CERS6: variants seen among roughly 807,000 people sequenced by gnomAD.
CERS6 encodes LAG1 homolog, ceramide synthase 6.
In CERS6, 26 loss-of-function variants were observed where a neutral mutation model predicts 56.8. The ratio of observed to expected loss-of-function variants is 0.46; its 90% CI spans 0.34 to 0.63. CERS6 has a LOEUF of 0.63. Ranked by LOEUF, CERS6 falls within the 30% of genes least tolerant of loss-of-function variation. The probability of loss-of-function intolerance (pLI) is 0.01; values close to 1 mark genes in which losing one functional copy is unlikely to be tolerated. For missense variants in CERS6, 415 were observed against 467.5 expected (o/e 0.89, Z 1.04); for synonymous variants, 164 against 173.3 (o/e 0.95, Z 0.42).
intron 1 of CERS6, among the ~76,000 whole-genome samples, chr2:168,473,865 A>G (rs937399557): frequency 6.6e-6 from 1 of 152,140 alleles, no homozygotes; most frequent in Non-Finnish European, 1.5e-5. Flanking sequence ...ATTTGTCTAC[A>G]TATGTATGTA....
intron 1 of CERS6, among the ~76,000 whole-genome samples, chr2:168,466,070 A>G (rs1296946105): frequency 6.6e-6 from 1 of 150,522 alleles, no homozygotes; most frequent in Non-Finnish European, 1.5e-5. Context: ...TCTTCTTTCC[A>G]GAATCGTCTG....
At chr2:168,623,029 C>G (rs1041789439) in intron 3 of CERS6, among the ~76,000 whole-genome samples, 5 of 152,088 alleles carry the variant, frequency 3.3e-5, no homozygotes, top group Admixed American at 3.3e-4. Flanking sequence ...AATTTGCTTC[C>G]TCCCCAGTTG....
At position 168,774,368 on chromosome 2, in the gene CERS6, T is replaced by C. The variant is rs1357019530; in HGVS notation, c.*4706T>C. On this transcript the variant is annotated 3_prime_UTR_variant, in exon 10 of 10. Transcript: ENST00000305747. Reference sequence around the variant, plus strand: ...GATTTCCCAATAGCTTGTGGATCAGTTGTACACCCACACTTCCTTCTCTGC... The same window carrying C: ...GATTTCCCAATAGCTTGTGGATCAGCTGTACACCCACACTTCCTTCTCTGC... 6.6e-6 allele frequency: 1 copy of C among 152,202 alleles called. No homozygotes were observed. The highest frequency in any genetic ancestry group is 1.5e-5 in the Non-Finnish European group (1 of 68,046). The allele number at this position is 152,202 out of a possible 1,614,324, so 9.4% of individuals were successfully genotyped here. A position where few individuals can be genotyped will look rare whatever the true frequency, so the allele number is the denominator to read the frequency against.
chr2:168,635,950 T>G (rs1369651105), intron 4 of CERS6, among the ~76,000 whole-genome samples: 1 of 152,202 alleles, frequency 6.6e-6, no homozygotes, highest in Non-Finnish European at 1.5e-5. Flanking sequence ...ATTGTAATTT[T>G]TTTTGCCTAT....
intron 3 of CERS6, among the ~76,000 whole-genome samples, chr2:168,623,923 T>A (rs1684531575): frequency 6.6e-6 from 1 of 152,160 alleles, no homozygotes; most frequent in African/African-American, 2.4e-5. Context: ...TAGAAAAGTT[T>A]ACAATTCCAT....
At chr2:168,612,285 A>G (rs1039067071) in intron 3 of CERS6, among the ~76,000 whole-genome samples, 2 of 152,216 alleles carry the variant, frequency 1.3e-5, no homozygotes, top group African/African-American at 4.8e-5. Flanking sequence ...TAGAAGATTT[A>G]AGACACAGAT....
At chr2:168,615,347 A>G (rs558261346) in intron 3 of CERS6, among the ~76,000 whole-genome samples, 7 of 152,274 alleles carry the variant, frequency 4.6e-5, no homozygotes, top group African/African-American at 1.7e-4. Flanking sequence ...CTCACCAGCA[A>G]TGGATCCAAA....
At chr2:168,541,010 A>T (rs111452647) in intron 1 of CERS6, among the ~76,000 whole-genome samples, 7 of 152,352 alleles carry the variant, frequency 4.6e-5, no homozygotes, top group African/African-American at 1.7e-4. Context: ...AAGATTAGGC[A>T]TCTGTATCTG....
At position 168,558,424 on chromosome 2, in the gene CERS6, A is replaced by T. The variant is rs562602416; in HGVS notation, c.277-2768A>T. Among the ~76,000 whole-genome samples, 443 of 152,352 alleles carry T rather than the reference A, an allele frequency of 2.9e-3. 7 individuals carry two copies. Among genetic ancestry groups the T allele is most frequent in the African/African-American group, 0.01 (421 of 41,576 alleles). Reference sequence around the variant, plus strand: ...CTCTACAAAAGAATAAGGGTGTTCTATATATAGTGAAAAGGAAATATTGCA... The same window carrying T: ...CTCTACAAAAGAATAAGGGTGTTCTTTATATAGTGAAAAGGAAATATTGCA... On this transcript the variant is annotated intron_variant, in intron 2 of 9. Coordinates refer to ENST00000305747, the MANE Select transcript of CERS6 (RefSeq NM_203463.3).
In CERS6 at chr2:168,588,082, T is replaced by TG. The variant is rs1374638835; in HGVS notation, c.407+26760_407+26761insG. Among the ~76,000 whole-genome samples the TG allele has an allele frequency of 4.3e-3, 640 of 148,582 alleles. 6 individuals are homozygous for TG. The highest frequency in any genetic ancestry group is 0.014 in the African/African-American group (564 of 40,614). On this transcript the variant is annotated intron_variant, in intron 3 of 9. Transcript: ENST00000305747. ...ATGTATGCCACCATACCTGGCTAAT[T>TG]TTTTTTTTTTTTTTTGGTAGAGATG...
intron 1 of CERS6, among the ~76,000 whole-genome samples, chr2:168,477,218 A>AGAGAGAGAGT (rs1391712992): frequency 9.8e-5 from 13 of 132,514 alleles, no homozygotes; most frequent in African/African-American, 3.8e-4. Flanking sequence ...AGAGAGAGAG[A>AGAGAGAGAGT]GTCTCATAGG....
At chr2:168,489,624 A>C (rs1244523321) in intron 1 of CERS6, among the ~76,000 whole-genome samples, 7 of 151,650 alleles carry the variant, frequency 4.6e-5, no homozygotes, top group Non-Finnish European at 1.0e-4. Context: ...CTTCAAGTTC[A>C]CTTACTCTTT....
intron 2 of CERS6, among the ~76,000 whole-genome samples, chr2:168,549,073 A>C (rs1695517982): frequency 6.6e-6 from 1 of 152,136 alleles, no homozygotes; most frequent in Admixed American, 6.5e-5. Context: ...GGGACTTCTC[A>C]GGTTCATTTG....
At chr2:168,490,103 C>T (rs1179978741) in intron 1 of CERS6, among the ~76,000 whole-genome samples, 3 of 152,092 alleles carry the variant, frequency 2.0e-5, no homozygotes, top group Non-Finnish European at 4.4e-5. Context: ...GGGTCTGTCC[C>T]GTGTGTGCCT....
intron 6 of CERS6, among the ~76,000 whole-genome samples, chr2:168,714,105 G>C (rs1244195328): frequency 1.3e-5 from 2 of 152,168 alleles, no homozygotes; most frequent in Non-Finnish European, 2.9e-5. Flanking sequence ...GGTGCTTCTA[G>C]CTGTGTCTTC....
At chr2:168,715,203 G>C in intron 7 of CERS6, 74 bp downstream of exon 7, 1 of 1,354,590 alleles carries the variant, frequency 7.4e-7, no homozygotes, top group South Asian at 1.4e-5. Context: ...TAGCTCTTCA[G>C]TGTTATGCTA....
intron 1 of CERS6, among the ~76,000 whole-genome samples, chr2:168,491,947 A>G (rs1223210515): frequency 3.9e-5 from 6 of 152,140 alleles, no homozygotes; most frequent in African/African-American, 1.4e-4. Context: ...AAGGACATGA[A>G]CTTATCCTTT....
chr2:168,646,321 G>T (rs1198684082), intron 4 of CERS6, among the ~76,000 whole-genome samples: 2 of 151,712 alleles, frequency 1.3e-5, no homozygotes, highest in African/African-American at 2.4e-5. Flanking sequence ...TCATATGCTT[G>T]TTGGCCACAT....
chr2:168,581,221 G>T lies in CERS6; in HGVS notation c.407+19899G>T, dbSNP rs187337524. On this transcript the variant is annotated intron_variant, in intron 3 of 9. Coordinates refer to ENST00000305747, the MANE Select transcript of CERS6 (RefSeq NM_203463.3). ...TTTAGTAGAGACAGTGTTTCACCAT[G>T]TTGGTCATGCTGGTCTTGAACTGCT... is the stretch of plus-strand genomic sequence containing the variant. Among the ~76,000 whole-genome samples, 5 of 152,214 alleles carry T rather than the reference G, an allele frequency of 3.3e-5. No homozygotes were observed. The East Asian group carries it at 9.7e-4, about 29-fold the overall frequency.
Sources: gnomAD v4.1 joint callset for allele counts (sites outside exome capture counted in the v4.1 genomes callset) on GRCh38, gnomAD v4.1.1 for gene constraint, MANE v1.5 for transcripts, NCBI Gene and HGNC (gene_info 2026-07-23, HGNC 2026-07-21) for gene names.